Variants in FNDC3B observed in about 807,000 individuals in gnomAD.
FNDC3B encodes fibronectin type III domain-containing protein 3B.
FNDC3B carries 12 observed loss-of-function variants against 151.5 expected under a neutral mutation model. The observed-to-expected ratio is 0.08, with a 90% CI of 0.05 to 0.13. The LOEUF (loss-of-function observed/expected upper bound fraction) is 0.13. Among genes scored for constraint, FNDC3B ranks in the 10% least tolerant of loss-of-function variants. The pLI is 1.00. For synonymous variants in FNDC3B, 528 were observed against 549.0 expected, an observed-to-expected ratio of 0.96 and a Z score of 0.54; for missense variants, 1,214 against 1,505.3, an observed-to-expected ratio of 0.81 and a Z score of 3.20.
At chr3:172,099,050 A>G (rs147613499) in intron 1 of FNDC3B, among the ~76,000 whole-genome samples, 142 of 152,370 alleles carry the variant, frequency 9.3e-4, no homozygotes, top group Admixed American at 3.3e-4. Flanking sequence ...CTTCGCAAAG[A>G]AAGATATTTT....
chr3:172,121,551 A>T (rs541787611), intron 2 of FNDC3B, among the ~76,000 whole-genome samples: 1 of 152,362 alleles, frequency 6.6e-6, no homozygotes, highest in Non-Finnish European at 1.5e-5. Flanking sequence ...GTTAGGAGAC[A>T]TTAAACACAG....
At chr3:172,091,909 T>TGTGTG (rs71178259) in intron 1 of FNDC3B, among the ~76,000 whole-genome samples, 5 of 148,402 alleles carry the variant, frequency 3.4e-5, no homozygotes, top group Non-Finnish European at 7.5e-5. Context: ...TGTGTGTGTG[T>TGTGTG]TAGGGAGGTG....
chr3:172,084,769 A>G (rs943611797), intron 1 of FNDC3B, among the ~76,000 whole-genome samples: 3 of 152,234 alleles, frequency 2.0e-5, no homozygotes, highest in Non-Finnish European at 2.9e-5. Flanking sequence ...TAAAACTTTC[A>G]TAAAGTAGGA....
chr3:172,273,787 T>C (rs2108807061), intron 6 of FNDC3B, among the ~76,000 whole-genome samples: 1 of 152,352 alleles, frequency 6.6e-6, no homozygotes, highest in South Asian at 2.1e-4. Context: ...AGGTGGAGTT[T>C]CTTCAAATAC....
At chr3:172,098,886 C>T (rs1156453781) in intron 1 of FNDC3B, among the ~76,000 whole-genome samples, 1 of 152,134 alleles carries the variant, frequency 6.6e-6, no homozygotes. Context: ...CTTTGCAAGG[C>T]GTGCTTCCTG....
chr3:172,230,980 A>G (rs933083163), intron 4 of FNDC3B, among the ~76,000 whole-genome samples: 25 of 106,948 alleles, frequency 2.3e-4, no homozygotes, highest in Non-Finnish European at 5.5e-4. Context: ...ATGAAAACAT[A>G]TGACCACACA....
chr3:172,054,738 C>T (rs1716830119), intron 1 of FNDC3B, among the ~76,000 whole-genome samples: 1 of 152,098 alleles, frequency 6.6e-6, no homozygotes, highest in Non-Finnish European at 1.5e-5. Context: ...GGGTGCAGCA[C>T]CTCCAGAGAA....
chr3:172,363,824 AATCAC>A (rs1334201754), intron 23 of FNDC3B, among the ~76,000 whole-genome samples: 6 of 152,198 alleles, frequency 3.9e-5, no homozygotes, highest in African/African-American at 1.4e-4. Context: ...CAAGATTAGA[AATCAC>A]ATAAGACCCT....
At chr3:172,158,793 G>T (rs1015140299) in intron 3 of FNDC3B, among the ~76,000 whole-genome samples, 2 of 152,086 alleles carry the variant, frequency 1.3e-5, no homozygotes, top group African/African-American at 4.8e-5. Flanking sequence ...ATGATTAATT[G>T]TGAGTAAATT....
At chr3:172,044,015 T>C (rs567824193) in intron 1 of FNDC3B, among the ~76,000 whole-genome samples, 79 of 152,352 alleles carry the variant, frequency 5.2e-4, no homozygotes, top group Non-Finnish European at 7.1e-4. Flanking sequence ...CTTTTCCTTA[T>C]GTAGCTGCAG....
chr3:172,236,590 G>A (rs912996294), intron 4 of FNDC3B, among the ~76,000 whole-genome samples: 1 of 151,950 alleles, frequency 6.6e-6, no homozygotes, highest in Non-Finnish European at 1.5e-5. Flanking sequence ...TGTTTTTTTG[G>A]ACCCCTACTT....
chr3:172,164,803 C>G (rs563961601), intron 3 of FNDC3B, among the ~76,000 whole-genome samples: 1 of 152,248 alleles, frequency 6.6e-6, no homozygotes, highest in East Asian at 1.9e-4. Context: ...ATCATCCTGT[C>G]AGGTGATTCG....
chr3:172,143,240 G>A (rs756831263), intron 3 of FNDC3B, among the ~76,000 whole-genome samples: 3 of 152,108 alleles, frequency 2.0e-5, no homozygotes, highest in African/African-American at 4.8e-5. Flanking sequence ...TTCACTCTTA[G>A]TTCCTCAATT....
intron 6 of FNDC3B, among the ~76,000 whole-genome samples, chr3:172,282,346 A>AT (rs1313882814): frequency 1.3e-5 from 2 of 152,162 alleles, no homozygotes; most frequent in Non-Finnish European, 2.9e-5. Flanking sequence ...CATATTTACA[A>AT]TTAGAAGCTT....
intron 3 of FNDC3B, among the ~76,000 whole-genome samples, chr3:172,175,678 A>G (rs1723546146): frequency 6.6e-6 from 1 of 152,254 alleles, no homozygotes; most frequent in Admixed American, 6.5e-5. Flanking sequence ...ATCTAGAAGC[A>G]GAATTTACAC....
intron 1 of FNDC3B, among the ~76,000 whole-genome samples, chr3:172,105,514 T>C (rs1719601314): frequency 1.3e-5 from 2 of 152,022 alleles, no homozygotes; most frequent in Non-Finnish European, 2.9e-5. Context: ...ACAGCAAAGC[T>C]GTGTTTTCTG....
At chr3:172,384,025 T>C (rs1205028862) in intron 25 of FNDC3B, among the ~76,000 whole-genome samples, 1 of 152,206 alleles carries the variant, frequency 6.6e-6, no homozygotes, top group Non-Finnish European at 1.5e-5. Flanking sequence ...AAAACTTTGT[T>C]CAGTTCCAAA....
rs1330382404 is a variant in FNDC3B at position 172,381,053 on chromosome 3, T to C, written c.3263T>C (p.Ile1088Thr). ...ATGAAAGGTGACCCTGTTAACTACA[T>C]TCTGCAGGTATTGGTTGGAAGAGAA... is the stretch of plus-strand genomic sequence containing the variant. ...PSMKGDPVNYILQVLVGRESE... is the reference protein window; with the variant it reads ...PSMKGDPVNYTLQVLVGRESE... Residue 1088 changes from isoleucine (I) to threonine (T), a missense_variant, in exon 25 of 26, where the codon ATT becomes ACT. By Grantham distance (89) the Ile-to-Thr change is moderately conservative (BLOSUM62 -1). Transcript: ENST00000415807. 6.2e-7 allele frequency: 1 copy of C among 1,613,808 alleles called. No homozygotes were observed. Among genetic ancestry groups the C allele is most frequent in the Non-Finnish European group, 8.5e-7 (1 of 1,179,730 alleles).
chr3:172,364,336 G>A (rs1354032748), intron 23 of FNDC3B, among the ~76,000 whole-genome samples: 1 of 152,200 alleles, frequency 6.6e-6, no homozygotes, highest in East Asian at 1.9e-4. Flanking sequence ...TCCCAGACCT[G>A]TGGCTTCCAT....
Sources: allele counts gnomAD v4.1 joint callset (sites outside exome capture counted in the v4.1 genomes callset), GRCh38; gene constraint gnomAD v4.1.1; transcripts MANE v1.5; gene names NCBI Gene and HGNC (gene_info 2026-07-23, HGNC 2026-07-21).